Variants in NFKB1 observed in about 807,000 individuals in gnomAD.
NFKB1 encodes nuclear factor NF-kappa-B p105 subunit.
NFKB1 carries 9 observed loss-of-function variants against 105.1 expected under a neutral mutation model. The ratio of observed to expected loss-of-function variants is 0.09; its 90% CI spans 0.05 to 0.15. NFKB1 has a LOEUF of 0.15. Ranked by LOEUF, NFKB1 falls within the 10% of genes least tolerant of loss-of-function variation. The probability of loss-of-function intolerance (pLI) is 1.00; values close to 1 mark genes in which losing one functional copy is unlikely to be tolerated. For missense variants in NFKB1, 830 were observed against 1,203.7 expected (o/e 0.69, Z 4.59); for synonymous variants, 440 against 442.2 (o/e 1.00, Z 0.06).
intron 19 of NFKB1, among the ~76,000 whole-genome samples, chr4:102,609,158 C>CAA (rs372174091): frequency 2.1e-5 from 2 of 97,356 alleles, no homozygotes; most frequent in Non-Finnish European, 2.1e-5. Context: ...GACCCTGTCT[C>CAA]AAAAAAAAAA....
chr4:102,584,553 T>G lies in NFKB1; in HGVS notation c.928-129T>G, dbSNP rs939431676. On this transcript the variant is annotated intron_variant, in intron 10 of 23. Coordinates refer to ENST00000226574, the MANE Select transcript of NFKB1 (RefSeq NM_003998.4). ...TGGAACTTTCTCCAGGACACGGTGT[T>G]TTTTAGTACACTGTGTCTAAACATT... is the stretch of plus-strand genomic sequence containing the variant. The G allele has an allele frequency of 4.6e-6, 4 of 870,914 alleles. 1 individual carries two copies. The highest frequency in any genetic ancestry group is 6.6e-6 in the Non-Finnish European group (4 of 609,880). The allele number at this position is 870,914 out of a possible 1,614,324, so 53.9% of individuals were successfully genotyped here.
At chr4:102,591,777 G>C (rs1726200319) in intron 11 of NFKB1, among the ~76,000 whole-genome samples, 1 of 152,190 alleles carries the variant, frequency 6.6e-6, no homozygotes, top group African/African-American at 2.4e-5. Flanking sequence ...GCAGCCCATG[G>C]ATCAAAAAGT....
intron 8 of NFKB1, among the ~76,000 whole-genome samples, chr4:102,579,299 T>A (rs578180326): frequency 6.6e-6 from 1 of 152,274 alleles, no homozygotes; most frequent in African/African-American, 2.4e-5. Flanking sequence ...AAATGTCACA[T>A]CTCATCTTAT....
chr4:102,576,993 C>T lies in NFKB1; in HGVS notation c.525C>T (p.Asp175=). Reference sequence around the variant, plus strand: ...ATCCTGGACTCTTGGTGCACCCTGACCTTGCCTATTTGCAAGCAGAAGGTG... The same window carrying T: ...ATCCTGGACTCTTGGTGCACCCTGATCTTGCCTATTTGCAAGCAGAAGGTG... ...GYNPGLLVHP[D]LAYLQAEGGG... Residue 175 remains aspartate (D), a synonymous_variant, in exon 7 of 24, where the codon GAC becomes GAT. Coordinates refer to ENST00000226574, the MANE Select transcript of NFKB1 (RefSeq NM_003998.4). The T allele has an allele frequency of 6.2e-7, 1 of 1,613,386 alleles. No individual in the cohort carries two copies. Among genetic ancestry groups the T allele is most frequent in the Non-Finnish European group, 8.5e-7 (1 of 1,179,820 alleles).
At position 102,537,890 on chromosome 4, in the gene NFKB1, C is replaced by T; in HGVS notation, c.192C>T (p.Gly64=). ...RGFRFRYVCE[G]PSHGGLPGAS... ...TTCGTTTCCGTTATGTATGTGAAGG[C>T]CCATCCCATGGTGGACTACCTGGTG... Residue 64 remains glycine (G), a synonymous_variant, in exon 5 of 24, where the codon GGC becomes GGT. Coordinates refer to ENST00000226574, the MANE Select transcript of NFKB1 (RefSeq NM_003998.4). 6.2e-7 allele frequency: 1 copy of T among 1,611,668 alleles called. No individual in the cohort carries two copies. Among genetic ancestry groups the T allele is most frequent in the Non-Finnish European group, 8.5e-7 (1 of 1,178,082 alleles).
intron 16 of NFKB1, among the ~76,000 whole-genome samples, chr4:102,604,600 A>G (rs1727526158): frequency 6.6e-6 from 1 of 151,256 alleles, no homozygotes; most frequent in Admixed American, 6.6e-5. Context: ...TTATCCACAC[A>G]GTTCTACATA....
At chr4:102,566,623 C>G (rs1723894551) in intron 5 of NFKB1, among the ~76,000 whole-genome samples, 1 of 152,118 alleles carries the variant, frequency 6.6e-6, no homozygotes, top group African/African-American at 2.4e-5. Flanking sequence ...CTTTTGTGAC[C>G]AAGAATTTTG....
chr4:102,547,542 G>A (rs1033116527), intron 5 of NFKB1, among the ~76,000 whole-genome samples: 1 of 152,176 alleles, frequency 6.6e-6, no homozygotes, highest in Non-Finnish European at 1.5e-5. Context: ...ACTTGGCTAA[G>A]CATCAGCTTC....
intron 23 of NFKB1, among the ~76,000 whole-genome samples, chr4:102,614,444 G>A (rs1197495055): frequency 3.3e-5 from 5 of 152,012 alleles, no homozygotes; most frequent in South Asian, 2.1e-4. Flanking sequence ...AAAACACACC[G>A]AAACAATCAC....
chr4:102,607,379 T>C, intron 18 of NFKB1, 60 bp downstream of exon 18: 1 of 1,566,832 alleles, frequency 6.4e-7, no homozygotes. Context: ...AAGGAAATCT[T>C]TTCAAAGAAG....
chr4:102,519,785 A>T (rs1336000217), intron 1 of NFKB1, among the ~76,000 whole-genome samples: 1 of 152,218 alleles, frequency 6.6e-6, no homozygotes, highest in Non-Finnish European at 1.5e-5. Context: ...TTACTATATG[A>T]ACCTGAGCAA....
rs142991798 is a variant in NFKB1, at chr4:102,576,996, T to C, written c.528T>C (p.Leu176=). The part of the protein sequence containing the change: ...YNPGLLVHPD[L]AYLQAEGGGD... ...CTGGACTCTTGGTGCACCCTGACCTTGCCTATTTGCAAGCAGAAGGTGGAG... is the reference window on the plus strand; with the variant it reads ...CTGGACTCTTGGTGCACCCTGACCTCGCCTATTTGCAAGCAGAAGGTGGAG... Residue 176 remains leucine, a synonymous_variant, in exon 7 of 24, where the codon CTT becomes CTC. Transcript: ENST00000226574. 3.0e-5 allele frequency: 49 copies of C among 1,613,118 alleles called. 1 individual carries two copies. In the African/African-American group the frequency reaches 6.4e-4, roughly 21 times the overall value.
chr4:102,568,691 G>A (rs1019268761), intron 6 of NFKB1, among the ~76,000 whole-genome samples: 1 of 152,108 alleles, frequency 6.6e-6, no homozygotes, highest in Non-Finnish European at 1.5e-5. Flanking sequence ...TGGTGTTTCT[G>A]TGGTTTGCTT....
chr4:102,511,070 T>G, intron 1 of NFKB1: 1 of 567,354 alleles, frequency 1.8e-6, no homozygotes, highest in Non-Finnish European at 2.5e-6. Context: ...CTTCGTATAG[T>G]GTGATTTTTA....
chr4:102,518,014 G>A (rs909578802), intron 1 of NFKB1, among the ~76,000 whole-genome samples: 1 of 152,184 alleles, frequency 6.6e-6, no homozygotes, highest in Non-Finnish European at 1.5e-5. Context: ...ACAGTACAGA[G>A]CCTATTACTG....
chr4:102,588,428 A>G (rs1012268028), intron 11 of NFKB1, among the ~76,000 whole-genome samples: 4 of 152,080 alleles, frequency 2.6e-5, no homozygotes, highest in African/African-American at 9.7e-5. Context: ...ATAGTTGAGG[A>G]ACTGCTGTAC....
At chr4:102,569,442 G>A (rs1724138169) in intron 6 of NFKB1, among the ~76,000 whole-genome samples, 1 of 152,052 alleles carries the variant, frequency 6.6e-6, no homozygotes, top group Non-Finnish European at 1.5e-5. Context: ...ACATATTTAT[G>A]GTATGACATT....
chr4:102,539,086 A>T (rs1417910440), intron 5 of NFKB1, among the ~76,000 whole-genome samples: 2 of 152,024 alleles, frequency 1.3e-5, no homozygotes, highest in African/African-American at 4.8e-5. Context: ...AAAATACAAA[A>T]ATTAGCTGGG....
At chr4:102,556,570 A>G (rs930026260) in intron 5 of NFKB1, among the ~76,000 whole-genome samples, 1 of 152,110 alleles carries the variant, frequency 6.6e-6, no homozygotes, top group Non-Finnish European at 1.5e-5. Context: ...GGAATAATAA[A>G]TGGCTAGTGG....
Sources: gnomAD v4.1 joint callset for allele counts (sites outside exome capture counted in the v4.1 genomes callset) on GRCh38, gnomAD v4.1.1 for gene constraint, MANE v1.5 for transcripts, NCBI Gene and HGNC (gene_info 2026-07-23, HGNC 2026-07-21) for gene names.